VPS13B: variants seen among roughly 807,000 people sequenced by gnomAD.
The protein encoded by VPS13B is intermembrane lipid transfer protein VPS13B.
Under a neutral mutation model 426.4 loss-of-function variants are expected in VPS13B, and 285 were observed. The ratio of observed to expected loss-of-function variants is 0.67; its 90% CI spans 0.61 to 0.74. The LOEUF is 0.74. VPS13B is among the 30% of genes least tolerant of loss of function. The pLI is 0.00. For missense variants in VPS13B, 4,537 were observed against 4,782.6 expected (o/e 0.95, Z 1.51); for synonymous variants, 1,676 against 1,676.4 (o/e 1.00, Z 0.01).
chr8:99,656,479 A>G (rs1197997184), intron 34 of VPS13B, among the ~76,000 whole-genome samples: 2 of 152,222 alleles, frequency 1.3e-5, no homozygotes, highest in Non-Finnish European at 2.9e-5. Context: ...TTTATATTAC[A>G]TTCATAGGCT....
intron 19 of VPS13B, among the ~76,000 whole-genome samples, chr8:99,275,926 C>A (rs1028742258): frequency 2.0e-5 from 3 of 152,120 alleles, no homozygotes; most frequent in Admixed American, 6.5e-5. Flanking sequence ...AAGCTAGCAA[C>A]GTGATAGTAA....
chr8:99,055,553 T>C (rs2132280719), intron 3 of VPS13B, among the ~76,000 whole-genome samples: 1 of 152,324 alleles, frequency 6.6e-6, no homozygotes, highest in Non-Finnish European at 1.5e-5. Context: ...AAGTAATCTT[T>C]AATTGTGTCA....
At chr8:99,289,067 G>GA (rs1819590518) in intron 19 of VPS13B, among the ~76,000 whole-genome samples, 1 of 151,436 alleles carries the variant, frequency 6.6e-6, no homozygotes, top group South Asian at 2.1e-4. Flanking sequence ...ATGAATGAAA[G>GA]AAGGAAGGAA....
intron 31 of VPS13B, among the ~76,000 whole-genome samples, chr8:99,566,541 A>G (rs1321305343): frequency 6.6e-6 from 1 of 151,982 alleles, no homozygotes; most frequent in East Asian, 1.9e-4. Flanking sequence ...CCTGGGTTCA[A>G]GCAATTCTCC....
In VPS13B at chr8:99,501,717, C is replaced by T. The variant is rs1326406012; in HGVS notation, c.3901C>T (p.Pro1301Ser). Reference sequence around the variant, plus strand: ...TTCTATACAAGCAGGTGAGGAATCACCATTCTCAGATTCTGTGACCTTGGA... The same window carrying T: ...TTCTATACAAGCAGGTGAGGAATCATCATTCTCAGATTCTGTGACCTTGGA... ...GDSIQAGEES[P>S]FSDSVTLEQT... The change falls in exon 26 of 62, where the codon CCA becomes TCA. Residue 1301 changes from proline to serine, a missense_variant. Around this residue, in one of 2 missense-constraint regions of VPS13B, gnomAD observed 4,311 missense variants for 4,474.3 expected, o/e 0.96. Transcript: ENST00000357162. 3.1e-6 allele frequency: 5 copies of T among 1,613,864 alleles called. No individual in the cohort carries two copies. The Admixed American group carries it at 6.7e-5, about 22-fold the overall frequency.
intron 3 of VPS13B, among the ~76,000 whole-genome samples, chr8:99,071,819 T>G (rs747371310): frequency 9.2e-5 from 14 of 152,164 alleles, no homozygotes; most frequent in Non-Finnish European, 1.9e-4. Flanking sequence ...TTCCTCTCCT[T>G]TTCAGAAGCA....
chr8:99,583,186 G>A (rs983343685), intron 33 of VPS13B, among the ~76,000 whole-genome samples: 8 of 151,968 alleles, frequency 5.3e-5, no homozygotes, highest in East Asian at 3.9e-4. Flanking sequence ...CTAGACCTGC[G>A]GCACACTTGG....
intron 33 of VPS13B, among the ~76,000 whole-genome samples, chr8:99,619,065 A>G (rs1828236423): frequency 6.6e-6 from 1 of 152,168 alleles, no homozygotes; most frequent in East Asian, 1.9e-4. Flanking sequence ...ACGGTGGCCA[A>G]GTTGTTTCCC....
At chr8:99,731,066 G>A (rs1026937303) in intron 39 of VPS13B, among the ~76,000 whole-genome samples, 4 of 152,162 alleles carry the variant, frequency 2.6e-5, no homozygotes, top group African/African-American at 9.7e-5. Context: ...TTTCAGAACT[G>A]GATAGAGAGG....
At chr8:99,410,552 T>C (rs1364141364) in intron 21 of VPS13B, among the ~76,000 whole-genome samples, 4 of 150,720 alleles carry the variant, frequency 2.7e-5, no homozygotes, top group African/African-American at 9.7e-5. Flanking sequence ...ATTTATTTAT[T>C]TATTTATTTA....
rs532523465 is a variant in VPS13B, at chr8:99,187,445, C to A, written c.2334-5431C>A. Among the ~76,000 whole-genome samples, 3 of 152,242 alleles carry A rather than the reference C, an allele frequency of 2.0e-5. No homozygotes were observed. The South Asian group carries it at 6.2e-4, about 32-fold the overall frequency. Reference sequence around the variant, plus strand: ...TGTTTATCCTTCTATTTCTTTTGATCTCTACTACTTTACCTGTTTGGCATA... The same window carrying A: ...TGTTTATCCTTCTATTTCTTTTGATATCTACTACTTTACCTGTTTGGCATA... On this transcript the variant is annotated intron_variant, in intron 16 of 61. Transcript: ENST00000357162.
intron 24 of VPS13B, among the ~76,000 whole-genome samples, chr8:99,481,008 G>A (rs1257860223): frequency 6.6e-6 from 1 of 151,954 alleles, no homozygotes; most frequent in Admixed American, 6.6e-5. Context: ...CAAACAATGT[G>A]CAAATTAAAC....
At chr8:99,819,727 A>T in intron 48 of VPS13B, 145 bp downstream of exon 48, 1 of 1,234,222 alleles carries the variant, frequency 8.1e-7, no homozygotes, top group Non-Finnish European at 1.1e-6. Flanking sequence ...TATTTTGTAG[A>T]TTTCTTTATT....
At chr8:99,676,686 G>A (rs554972817) in intron 35 of VPS13B, among the ~76,000 whole-genome samples, 7 of 151,842 alleles carry the variant, frequency 4.6e-5, no homozygotes, top group African/African-American at 1.5e-4. Flanking sequence ...TTTAGCTCTT[G>A]TGAAGGTATT....
intron 19 of VPS13B, among the ~76,000 whole-genome samples, chr8:99,383,605 T>A (rs2133293431): frequency 6.6e-6 from 1 of 152,328 alleles, no homozygotes; most frequent in South Asian, 2.1e-4. Flanking sequence ...CACATAGCTC[T>A]TAGCAGTTAT....
At chr8:99,486,569 GA>G (rs1820321912) in intron 25 of VPS13B, among the ~76,000 whole-genome samples, 1 of 152,184 alleles carries the variant, frequency 6.6e-6, no homozygotes, top group Admixed American at 6.5e-5. Context: ...CTAGGAATCT[GA>G]AAAACATCCA....
At chr8:99,137,770 T>C (rs976067268) in intron 12 of VPS13B, among the ~76,000 whole-genome samples, 6 of 152,226 alleles carry the variant, frequency 3.9e-5, no homozygotes, top group Non-Finnish European at 8.8e-5. Context: ...CCATATGTTG[T>C]TGATACTCAA....
intron 17 of VPS13B, among the ~76,000 whole-genome samples, chr8:99,269,007 T>C (rs1203081562): frequency 6.6e-6 from 1 of 152,176 alleles, no homozygotes; most frequent in Non-Finnish European, 1.5e-5. Context: ...CCCCCTTTGC[T>C]TGGCACTTCT....
At chr8:99,424,302 G>A (rs1212121465) in intron 21 of VPS13B, 1 of 151,528 alleles carries the variant, frequency 6.6e-6, no homozygotes, top group Non-Finnish European at 1.5e-5. Flanking sequence ...GCCTATGTAT[G>A]TCTCTGCACG....
Sources: allele counts gnomAD v4.1 joint callset (sites outside exome capture counted in the v4.1 genomes callset), GRCh38; gene constraint gnomAD v4.1.1; regional missense constraint gnomAD v4.1.1; transcripts MANE v1.5; gene names NCBI Gene and HGNC (gene_info 2026-07-23, HGNC 2026-07-21).